Variants in TMEM106A observed in about 807,000 individuals in gnomAD.
TMEM106A encodes the protein transmembrane protein 106A.
TMEM106A carries 22 observed loss-of-function variants against 25.1 expected under a neutral mutation model. That is an observed-to-expected ratio of 0.88 (90% confidence interval 0.63 to 1.25). The LOEUF (loss-of-function observed/expected upper bound fraction) is 1.25, where lower values mean the gene tolerates loss of function less well. TMEM106A is among the 50% of genes most tolerant of loss of function. The pLI, the probability that TMEM106A is intolerant of heterozygous loss-of-function variation, is 0.00. For missense variants in TMEM106A, 275 were observed against 318.1 expected, an observed-to-expected ratio of 0.86 and a Z score of 1.03; for synonymous variants, 104 against 129.9, an observed-to-expected ratio of 0.80 and a Z score of 1.35.
At chr17:43,217,357 C>A in intron 8 of TMEM106A, 45 bp downstream of exon 8, 1 of 1,603,322 alleles carries the variant, frequency 6.2e-7, no homozygotes, top group Non-Finnish European at 8.5e-7. Context: ...TCACTTCTGA[C>A]TTCATTCTCA....
intron 5 of TMEM106A, chr17:43,216,192 T>A: frequency 1.5e-6 from 1 of 649,378 alleles, no homozygotes; most frequent in Non-Finnish European, 2.6e-6. Flanking sequence ...TGACAGTGCC[T>A]GAGACTCTCT....
intron 2 of TMEM106A, 143 bp downstream of exon 2, chr17:43,212,537 C>T (rs1001918905): frequency 6.2e-6 from 1 of 161,816 alleles, no homozygotes; most frequent in African/African-American, 2.4e-5. Flanking sequence ...CTCAGGCTTT[C>T]TTACCCCGCC....
chr17:43,215,832 C>T lies in TMEM106A; in HGVS notation c.320C>T (p.Ser107Phe), dbSNP rs911034472. 2 of 1,613,986 alleles carry T rather than the reference C, an allele frequency of 1.2e-6. No individual in the cohort carries two copies. Among genetic ancestry groups the T allele is most frequent in the East Asian group, 2.2e-5 (1 of 44,894 alleles). ...FLAVLICLVT[S>F]SFIVFFLFPR... The stretch of plus-strand genomic sequence containing the variant: ...GCCGTGCTCATCTGCCTGGTGACCT[C>T]CTCCTTCATCGTCTTTTTCCTGTTT... The change falls in exon 5 of 9, where the codon TCC (serine) becomes TTC (phenylalanine). Residue 107 changes from serine (S) to phenylalanine (F), a missense_variant. Physicochemically the swap from Ser to Phe is radical, Grantham distance 155 (BLOSUM62 -2). Transcript: ENST00000612339.
intron 7 of TMEM106A, 74 bp from the exon 8 acceptor site, chr17:43,217,185 C>T: frequency 1.3e-6 from 2 of 1,495,098 alleles, no homozygotes; most frequent in South Asian, 2.3e-5. Flanking sequence ...AAACTGGGAC[C>T]TGCAGGCATC....
chr17:43,216,784 T>C, intron 7 of TMEM106A, 44 bp downstream of exon 7: 1 of 1,613,238 alleles, frequency 6.2e-7, no homozygotes, highest in Non-Finnish European at 8.5e-7. Flanking sequence ...CTTGCCTGGC[T>C]TAGGGACCCA....
rs546131781 is a variant in TMEM106A, at chr17:43,220,011, C to A, written c.*2210C>A. On this transcript the variant is annotated 3_prime_UTR_variant, in exon 9 of 9. Coordinates refer to ENST00000612339, the MANE Select transcript of TMEM106A (RefSeq NM_145041.4). ...AAATGTGAAGTATTTATATTGTATT[C>A]AATAAACTATACTTAAGAGTGTTCA... is the stretch of plus-strand genomic sequence containing the variant. 6.6e-6 allele frequency: 1 copy of A among 151,412 alleles called. No homozygotes were observed. The highest frequency in any genetic ancestry group is 2.4e-5 in the African/African-American group (1 of 41,284). The allele number at this position is 151,412 out of a possible 1,614,324, so 9.4% of individuals were successfully genotyped here. A position where few individuals can be genotyped will look rare whatever the true frequency, so the allele number is the denominator to read the frequency against.
At chr17:43,216,013 G>C (rs1366254265) in intron 5 of TMEM106A, 72 bp downstream of exon 5, 1 of 1,569,924 alleles carries the variant, frequency 6.4e-7, no homozygotes. Context: ...CCAGTGTTAT[G>C]ACCCTGGGCA....
At chr17:43,215,191 C>T (rs1011614197) in intron 4 of TMEM106A, among the ~76,000 whole-genome samples, 10 of 151,506 alleles carry the variant, frequency 6.6e-5, no homozygotes, top group African/African-American at 2.4e-4. Flanking sequence ...TGCAGTGAGC[C>T]GAGATCGTGC....
At position 43,216,461 on chromosome 17, in the gene TMEM106A, A is replaced by C; in HGVS notation, c.442A>C (p.Ile148Leu). Reference protein sequence around the residue: ...IYLNITNILNISNGNYYPIMV... With the variant: ...IYLNITNILNLSNGNYYPIMV... The stretch of plus-strand genomic sequence containing the variant: ...TCTTCATCCCCAGAATATCTTAAAC[A>C]TCTCCAATGGCAACTACTACCCCAT... The change falls in exon 6 of 9, where the codon ATC (isoleucine) becomes CTC (leucine). Residue 148 changes from isoleucine (I) to leucine (L), a missense_variant. Physicochemically the swap from Ile to Leu is conservative, Grantham distance 5. Transcript: ENST00000612339. The C allele has an allele frequency of 6.2e-7, 1 of 1,614,064 alleles. No homozygotes were observed. The highest frequency in any genetic ancestry group is 8.5e-7 in the Non-Finnish European group (1 of 1,179,954).
In TMEM106A at chr17:43,217,897, A is replaced by G; in HGVS notation, c.*96A>G. On this transcript the variant is annotated 3_prime_UTR_variant, in exon 9 of 9. Coordinates refer to ENST00000612339, the MANE Select transcript of TMEM106A (RefSeq NM_145041.4). ...AAGGAAGGACTACAGAGGCTTTGCCAAAGGAGAAGCCCTGCCTCATCACAC... is the reference window on the plus strand; with the variant it reads ...AAGGAAGGACTACAGAGGCTTTGCCGAAGGAGAAGCCCTGCCTCATCACAC... The G allele has an allele frequency of 6.4e-7, 1 of 1,564,988 alleles. No homozygotes were observed. Among genetic ancestry groups the G allele is most frequent in the South Asian group, 1.2e-5 (1 of 83,374 alleles).
chr17:43,212,951 T>G lies in TMEM106A; in HGVS notation c.-21-70T>G, dbSNP rs949298513. On this transcript the variant is annotated intron_variant, in intron 2 of 8. Coordinates refer to ENST00000612339, the MANE Select transcript of TMEM106A (RefSeq NM_145041.4). ...GAAGCTCCTTGCCAGTCTTGAGAAC[T>G]TCAAACCAAAATTACATCTGGCGTC... is the stretch of plus-strand genomic sequence containing the variant. 3.0e-6 allele frequency: 4 copies of G among 1,347,822 alleles called. No individual in the cohort carries two copies. The African/African-American group carries it at 5.7e-5, about 19-fold the overall frequency. 83.5% of individuals were successfully genotyped at this position (1,347,822 alleles called of 1,614,324 possible).
intron 4 of TMEM106A, among the ~76,000 whole-genome samples, chr17:43,214,946 C>T (rs1402349490): frequency 5.8e-5 from 8 of 137,478 alleles, no homozygotes; most frequent in Admixed American, 3.9e-4. Flanking sequence ...AGCAACAGAG[C>T]GAGGCCTCAT....
rs2057487585 is a variant in TMEM106A at position 43,216,516 on chromosome 17, T to C, written c.497T>C (p.Leu166Pro). 6.2e-7 allele frequency: 1 copy of C among 1,614,122 alleles called. No individual in the cohort carries two copies. Among genetic ancestry groups the C allele is most frequent in the Non-Finnish European group, 8.5e-7 (1 of 1,180,050 alleles). ...GTGACACAGCTGACCCTCGAGGTTC[T>C]GCACCTGTCCCTCGTGGTGGGGCAG... is the stretch of plus-strand genomic sequence containing the variant. ...IMVTQLTLEVLHLSLVVGQVS... is the reference protein window; with the variant it reads ...IMVTQLTLEVPHLSLVVGQVS... The change falls in exon 6 of 9, where the codon CTG (leucine) becomes CCG (proline). Residue 166 changes from leucine to proline, a missense_variant. Leu to Pro is a moderately conservative substitution (Grantham distance 98). Transcript: ENST00000612339.
chr17:43,219,738 A>C lies in TMEM106A; in HGVS notation c.*1937A>C, dbSNP rs2154582666. On this transcript the variant is annotated 3_prime_UTR_variant, in exon 9 of 9. Coordinates refer to ENST00000612339, the MANE Select transcript of TMEM106A (RefSeq NM_145041.4). ...CAAGGGCGAGACTCTGTCTCAAAAA[A>C]AAAAAAAAAAAAAGATGGCTGTCTC... 6.6e-6 allele frequency: 1 copy of C among 151,826 alleles called. No individual in the cohort carries two copies. The highest frequency in any genetic ancestry group is 2.1e-4 in the South Asian group (1 of 4,780). 9.4% of individuals were successfully genotyped at this position (151,826 alleles called of 1,614,324 possible).
rs937711564 is a variant in TMEM106A, at chr17:43,218,919, C to G, written c.*1118C>G. ...GTTCCTAGGAAGACAGAGTTGTTCT[C>G]CAGCTAAAGCGTCTCCTCTCTATAA... On this transcript the variant is annotated 3_prime_UTR_variant, in exon 9 of 9. Coordinates refer to ENST00000612339, the MANE Select transcript of TMEM106A (RefSeq NM_145041.4). The G allele has an allele frequency of 2.0e-5, 3 of 152,162 alleles. No individual in the cohort carries two copies. The highest frequency in any genetic ancestry group is 4.4e-5 in the Non-Finnish European group (3 of 68,042). The allele number at this position is 152,162 out of a possible 1,614,324, so 9.4% of individuals were successfully genotyped here. A position where few individuals can be genotyped will look rare whatever the true frequency, so the allele number is the denominator to read the frequency against.
In TMEM106A at chr17:43,216,438, T is replaced by G; in HGVS notation, c.430-11T>G. The G allele has an allele frequency of 6.2e-7, 1 of 1,613,308 alleles. No individual in the cohort carries two copies. Among genetic ancestry groups the G allele is most frequent in the Non-Finnish European group, 8.5e-7 (1 of 1,179,264 alleles). On this transcript the variant is annotated splice_polypyrimidine_tract_variant and intron_variant, in intron 5 of 8. Coordinates refer to ENST00000612339, the MANE Select transcript of TMEM106A (RefSeq NM_145041.4). The stretch of plus-strand genomic sequence containing the variant: ...ATCTTCACTCCTCCCTTCCCTTGTC[T>G]TCATCCCCAGAATATCTTAAACATC...
intron 3 of TMEM106A, among the ~76,000 whole-genome samples, chr17:43,213,556 C>G (rs890093052): frequency 2.0e-5 from 3 of 152,286 alleles, no homozygotes; most frequent in Middle Eastern, 3.4e-3. Context: ...AATGAACTTT[C>G]CAAAGATGCT....
Position 43,217,681 on chromosome 17 carries a change from G to C in TMEM106A, c.669G>C (p.Gln223His). 2 of 1,614,080 alleles carry C rather than the reference G, an allele frequency of 1.2e-6. No individual in the cohort carries two copies. The highest frequency in any genetic ancestry group is 8.5e-7 in the Non-Finnish European group (1 of 1,179,994). ...GCAACAAGGCCTGCTTCCTCTCCAGGGGCACCCTGACCTGTTCATACCTGA... is the reference window on the plus strand; with the variant it reads ...GCAACAAGGCCTGCTTCCTCTCCAGCGGCACCCTGACCTGTTCATACCTGA... The part of the protein sequence containing the change: ...IKVHHVLLHI[Q>H]GTLTCSYLSH... The change falls in exon 9 of 9, where the codon CAG becomes CAC. Residue 223 changes from glutamine (Q) to histidine (H), a missense_variant and splice_region_variant. Coordinates refer to ENST00000612339, the MANE Select transcript of TMEM106A (RefSeq NM_145041.4).
chr17:43,216,830 A>G, intron 7 of TMEM106A, 90 bp downstream of exon 7: 5 of 1,558,552 alleles, frequency 3.2e-6, no homozygotes, highest in Non-Finnish European at 4.4e-6. Context: ...TGCTTAGCAA[A>G]TTCTTCAGCC....
Sources: gnomAD v4.1 joint callset for allele counts (sites outside exome capture counted in the v4.1 genomes callset) on GRCh38, gnomAD v4.1.1 for gene constraint, MANE v1.5 for transcripts, NCBI Gene and HGNC (gene_info 2026-07-23, HGNC 2026-07-21) for gene names.